Variants in WASHC5 observed in about 807,000 individuals in gnomAD.
The protein encoded by WASHC5 is WASH complex subunit 5, also known as WASH complex subunit strumpellin.
A neutral mutation model predicts 150.4 loss-of-function variants in WASHC5; 101 were observed. The ratio of observed to expected loss-of-function variants is 0.67; its 90% CI spans 0.57 to 0.79. The LOEUF is 0.79. Ranked by LOEUF, WASHC5 falls within the 30% of genes least tolerant of loss-of-function variation. The pLI, the probability that WASHC5 is intolerant of heterozygous loss-of-function variation, is 0.00. For synonymous variants in WASHC5, 467 were observed against 491.2 expected (o/e 0.95, Z 0.65); for missense variants, 1,195 against 1,396.3 (o/e 0.86, Z 2.30).
At chr8:125,025,519 C>T (rs1815353063) in intron 28 of WASHC5, among the ~76,000 whole-genome samples, 1 of 151,930 alleles carries the variant, frequency 6.6e-6, no homozygotes, top group African/African-American at 2.4e-5. Flanking sequence ...GAAATCCCAT[C>T]TCTACTGAAA....
chr8:125,058,167 GA>G (rs1175842171), intron 14 of WASHC5, among the ~76,000 whole-genome samples: 1 of 151,582 alleles, frequency 6.6e-6, no homozygotes, highest in Non-Finnish European at 1.5e-5. Context: ...GTGCCATTCA[GA>G]AAAAAATTAA....
At chr8:125,076,716 T>C (rs1817072440) in intron 6 of WASHC5, among the ~76,000 whole-genome samples, 2 of 148,470 alleles carry the variant, frequency 1.3e-5, no homozygotes, top group Non-Finnish European at 3.0e-5. Context: ...CTTCCAGCCC[T>C]TGACCGCTGC....
intron 27 of WASHC5, among the ~76,000 whole-genome samples, chr8:125,031,960 G>C (rs527941152): frequency 5.3e-5 from 8 of 152,248 alleles, no homozygotes; most frequent in Middle Eastern, 3.4e-3. Context: ...AGAGGAACAG[G>C]GCTGCACTTT....
intron 23 of WASHC5, among the ~76,000 whole-genome samples, chr8:125,041,342 G>T (rs1815879612): frequency 6.6e-6 from 1 of 152,264 alleles, no homozygotes; most frequent in Non-Finnish European, 1.5e-5. Flanking sequence ...GAGTTGCTGG[G>T]GGCAGAGAAG....
chr8:125,053,449 A>G (rs1474889105), intron 17 of WASHC5, among the ~76,000 whole-genome samples: 1 of 152,122 alleles, frequency 6.6e-6, no homozygotes, highest in African/African-American at 2.4e-5. Context: ...TACCTGTAAG[A>G]GGTTTTATTA....
At chr8:125,050,416 C>A in intron 18 of WASHC5, 148 bp downstream of exon 18, 1 of 499,068 alleles carries the variant, frequency 2.0e-6, no homozygotes. Flanking sequence ...GATCAAAAAG[C>A]ACATCAGTTG....
chr8:125,084,820 C>T (rs756154327), intron 1 of WASHC5, among the ~76,000 whole-genome samples: 4 of 152,204 alleles, frequency 2.6e-5, no homozygotes, highest in Non-Finnish European at 5.9e-5. Flanking sequence ...CAGTGGTTCT[C>T]AAGCCTGGCT....
intron 1 of WASHC5, among the ~76,000 whole-genome samples, chr8:125,085,392 G>A (rs1444991876): frequency 6.6e-6 from 1 of 152,160 alleles, no homozygotes. Flanking sequence ...CATGGTAAAT[G>A]ACTTAGAAGA....
At chr8:125,059,355 A>G in intron 13 of WASHC5, 21 bp downstream of exon 13, 1 of 1,614,090 alleles carries the variant, frequency 6.2e-7, no homozygotes, top group Non-Finnish European at 8.5e-7. Context: ...TCTACAGCAA[A>G]TGTCAGGCTG....
Position 125,024,489 on chromosome 8 carries a change from A to G in WASHC5, c.*128T>C, listed in dbSNP as rs1815315930. ...AGATATATCTTACTCAGAACGTCTG[A>G]TGTTTCCCATAATAGACAGAAAAAA... On this transcript the variant is annotated 3_prime_UTR_variant, in exon 29 of 29. Coordinates refer to ENST00000318410, the MANE Select transcript of WASHC5 (RefSeq NM_014846.4). 2 of 744,942 alleles carry G rather than the reference A, an allele frequency of 2.7e-6. No individual in the cohort carries two copies. Among genetic ancestry groups the G allele is most frequent in the East Asian group, 2.5e-5 (1 of 39,310 alleles). The allele number at this position is 744,942 out of a possible 1,614,324, so 46.1% of individuals were successfully genotyped here.
intron 7 of WASHC5, among the ~76,000 whole-genome samples, chr8:125,076,082 A>G (rs987986418): frequency 2.0e-5 from 3 of 152,244 alleles, no homozygotes; most frequent in Non-Finnish European, 2.9e-5. Flanking sequence ...CTCAGTAGCT[A>G]AAGCAAGAGA....
chr8:125,082,493 T>C, intron 3 of WASHC5, 26 bp from the exon 4 acceptor site: 1 of 1,181,640 alleles, frequency 8.5e-7, no homozygotes, highest in Non-Finnish European at 1.3e-6. Flanking sequence ...CAGTGCAAGT[T>C]ATTAATTTAT....
Position 125,028,667 on chromosome 8 carries a change from G to A in WASHC5, c.3376C>T (p.Leu1126Phe), listed in dbSNP as rs775716755. The A allele has an allele frequency of 5.0e-6, 8 of 1,613,830 alleles. No individual in the cohort carries two copies. The South Asian group carries it at 8.8e-5, about 18-fold the overall frequency. The part of the protein sequence containing the change: ...PEIPADVVGA[L>F]LFLEDYVRYT... ...CGAACATAATCCTCCAGGAACAGAA[G>A]GGCACCCACAACATCTGCAGGAATT... The change falls in exon 28 of 29, where the codon CTT (leucine) becomes TTT (phenylalanine). Residue 1126 changes from leucine (L) to phenylalanine (F), a missense_variant. Leu to Phe is a conservative substitution (Grantham distance 22). Transcript: ENST00000318410.
At chr8:125,065,865 C>T (rs571594849) in intron 10 of WASHC5, among the ~76,000 whole-genome samples, 1 of 152,124 alleles carries the variant, frequency 6.6e-6, no homozygotes, top group East Asian at 1.9e-4. Flanking sequence ...GATCCACCCG[C>T]CTTAGCCTCC....
intron 9 of WASHC5, among the ~76,000 whole-genome samples, chr8:125,072,358 G>T (rs1468055511): frequency 8.9e-6 from 1 of 111,982 alleles, no homozygotes; most frequent in Non-Finnish European, 1.8e-5. Context: ...AAAGTGGGGG[G>T]GGGGGGCGGG....
At chr8:125,090,680 T>C (rs1817584688) in intron 1 of WASHC5, among the ~76,000 whole-genome samples, 1 of 152,186 alleles carries the variant, frequency 6.6e-6, no homozygotes, top group South Asian at 2.1e-4. Flanking sequence ...TTACCCTGAG[T>C]ACAGAATAAT....
chr8:125,072,352 TGGG>T (rs796298078), intron 9 of WASHC5, among the ~76,000 whole-genome samples: 14 of 16,836 alleles, frequency 8.3e-4, no homozygotes, highest in African/African-American at 2.7e-3. Context: ...AAAAAAAAAG[TGGG>T]GGGGGGGGGC....
At chr8:125,030,595 G>A (rs1211283486) in intron 27 of WASHC5, among the ~76,000 whole-genome samples, 1 of 132,018 alleles carries the variant, frequency 7.6e-6, no homozygotes, top group Non-Finnish European at 1.5e-5. Context: ...CCGAGATCAC[G>A]CCACTGCACT....
chr8:125,039,708 TA>T (rs1248897828), intron 24 of WASHC5, 86 bp downstream of exon 24: 2 of 911,130 alleles, frequency 2.2e-6, no homozygotes, highest in African/African-American at 3.3e-5. Context: ...AAAAATAACT[TA>T]AAAGAGTAAG....
Sources: gnomAD v4.1 joint callset for allele counts (sites outside exome capture counted in the v4.1 genomes callset) on GRCh38, gnomAD v4.1.1 for gene constraint, MANE v1.5 for transcripts, NCBI Gene and HGNC (gene_info 2026-07-23, HGNC 2026-07-21) for gene names.